The following ADAT2 variants were observed in gnomAD, a reference collection of about 807,000 sequenced individuals.
The protein encoded by ADAT2 is tRNA-specific adenosine-34 deaminase catalytic subunit ADAT2.
ADAT2 carries 26 observed loss-of-function variants against 25.9 expected under a neutral mutation model. The ratio of observed to expected loss-of-function variants is 1.00; its 90% CI spans 0.74 to 1.39. ADAT2 has a LOEUF of 1.39. ADAT2 is among the 40% of genes most tolerant of loss of function. The pLI is 0.00. For synonymous variants in ADAT2, 76 were observed against 86.8 expected, an observed-to-expected ratio of 0.88 and a Z score of 0.69; for missense variants, 220 against 244.8, an observed-to-expected ratio of 0.90 and a Z score of 0.68.
In ADAT2 at chr6:143,425,192, A is replaced by C. The variant is rs1322981544; in HGVS notation, c.*3271T>G. The C allele has an allele frequency of 6.6e-6, 1 of 152,158 alleles. No homozygotes were observed. The highest frequency in any genetic ancestry group is 1.5e-5 in the Non-Finnish European group (1 of 68,042). 9.4% of individuals were successfully genotyped at this position (152,158 alleles called of 1,614,324 possible). A position where few individuals can be genotyped will look rare whatever the true frequency, so the allele number is the denominator to read the frequency against. On this transcript the variant is annotated 3_prime_UTR_variant, in exon 6 of 6. Transcript: ENST00000237283. The stretch of plus-strand genomic sequence containing the variant: ...AATGTCAATGTCATAAAAGACAAAG[A>C]AAGCCAGTGAAAATGTTCTAGACTA...
Position 143,432,455 on chromosome 6 carries a change from G to T in ADAT2, c.459+50C>A. 6.6e-7 allele frequency: 1 copy of T among 1,509,616 alleles called. No individual in the cohort carries two copies. The highest frequency in any genetic ancestry group is 1.1e-5 in the South Asian group (1 of 88,620). The allele number at this position is 1,509,616 out of a possible 1,614,324, so 93.5% of individuals were successfully genotyped here. A position where few individuals can be genotyped will look rare whatever the true frequency, so the allele number is the denominator to read the frequency against. On this transcript the variant is annotated intron_variant, in intron 4 of 5. Transcript: ENST00000237283. This position sits in a 1 kb window ranked among gnomAD's most constrained non-coding sequence, Gnocchi z 4.4. The stretch of plus-strand genomic sequence containing the variant: ...CACTAGTTATTCACAAGCCCATAAA[G>T]AGATGAAAATAATTAGCAAGAAAGA...
rs1779004601 is a variant in ADAT2 at position 143,428,493 on chromosome 6, T to G, written c.546A>C (p.Lys182Asn). The change falls in exon 6 of 6, where the codon AAA becomes AAC. Residue 182 changes from lysine to asparagine, a missense_variant. Lys to Asn is a moderately conservative substitution (Grantham distance 94, BLOSUM62 0). Coordinates refer to ENST00000237283, the MANE Select transcript of ADAT2 (RefSeq NM_182503.3). The surrounding 1 kb of genome is among the most constrained non-coding windows in gnomAD (Gnocchi z 5.0). Reference protein sequence around the residue: ...KQENPNAPKSKVRKKECQKS With the variant: ...KQENPNAPKSNVRKKECQKS ...ATTTCTGACATTCCTTTTTCCGAAC[T>G]TTCGATTTTGGTGCTGTGAAAAGAA... The G allele has an allele frequency of 6.2e-7, 1 of 1,614,096 alleles. No homozygotes were observed. The highest frequency in any genetic ancestry group is 1.3e-5 in the African/African-American group (1 of 75,060).
chr6:143,450,533 C>T, intron 1 of ADAT2, 30 bp downstream of exon 1: 1 of 1,612,110 alleles, frequency 6.2e-7, no homozygotes, highest in Non-Finnish European at 8.5e-7. Flanking sequence ...AAGGTCCCAC[C>T]CCGCAGCATC....
Position 143,424,423 on chromosome 6 carries a change from T to C in ADAT2, c.*4040A>G, listed in dbSNP as rs1778871386. On this transcript the variant is annotated 3_prime_UTR_variant, in exon 6 of 6. Coordinates refer to ENST00000237283, the MANE Select transcript of ADAT2 (RefSeq NM_182503.3). This position sits in a 1 kb window ranked among gnomAD's most constrained non-coding sequence, Gnocchi z 4.8. ...TTTCAAGAGCTTTGGCTTTTGCTAT[T>C]TTTACTGACATTTTGAAAGTAGCAG... The C allele has an allele frequency of 6.6e-6, 1 of 152,250 alleles. No homozygotes were observed. Among genetic ancestry groups the C allele is most frequent in the Non-Finnish European group, 1.5e-5 (1 of 68,050 alleles). The allele number at this position is 152,250 out of a possible 1,614,324, so 9.4% of individuals were successfully genotyped here.
At position 143,423,559 on chromosome 6, in the gene ADAT2, TAGGTTTTAAAACTATCGC is replaced by T. The variant is rs1166720111; in HGVS notation, c.*4886_*4903del. Reference sequence around the variant, plus strand: ...AAGACTTAATTCAGGACTACAGTGATAGGTTTTAAAACTATCGCAGGTTTTAAAACTATCCCAACAAGA... The same window carrying T: ...AAGACTTAATTCAGGACTACAGTGATAGGTTTTAAAACTATCCCAACAAGA... On this transcript the variant is annotated 3_prime_UTR_variant, in exon 6 of 6. Transcript: ENST00000237283. 14 of 152,350 alleles carry T rather than the reference TAGGTTTTAAAACTATCGC, an allele frequency of 9.2e-5. No homozygotes were observed. Among genetic ancestry groups the T allele is most frequent in the African/African-American group, 3.1e-4 (13 of 41,572 alleles). The allele number at this position is 152,350 out of a possible 1,614,324, so 9.4% of individuals were successfully genotyped here. A position where few individuals can be genotyped will look rare whatever the true frequency, so the allele number is the denominator to read the frequency against.
At position 143,425,733 on chromosome 6, in the gene ADAT2, T is replaced by TGTGTGTGTGTGTG. The variant is rs1778912429; in HGVS notation, c.*2729_*2730insCACACACACACAC. 34 of 136,582 alleles carry TGTGTGTGTGTGTG rather than the reference T, an allele frequency of 2.5e-4. No individual in the cohort carries two copies. Among genetic ancestry groups the TGTGTGTGTGTGTG allele is most frequent in the Admixed American group, 5.2e-4 (7 of 13,572 alleles). 8.5% of individuals were successfully genotyped at this position (136,582 alleles called of 1,614,324 possible). A position where few individuals can be genotyped will look rare whatever the true frequency, so the allele number is the denominator to read the frequency against. ...GGTAAAGGGCCATGGTGTGTTGTGT[T>TGTGTGTGTGTGTG]TGTGTGTGTGTGTGTGTGTGTGTGT... On this transcript the variant is annotated 3_prime_UTR_variant, in exon 6 of 6. Transcript: ENST00000237283.
rs993797367 is a variant in ADAT2 at position 143,437,692 on chromosome 6, A to T, written c.201+898T>A. On this transcript the variant is annotated intron_variant, in intron 2 of 5. Transcript: ENST00000237283. The surrounding 1 kb of genome is among the most constrained non-coding windows in gnomAD (Gnocchi z 4.1). ...TTTTACATGTGTTTTGCTAAATATC[A>T]GTTTTCTTTTCAATAGATGTGATTG... 2.6e-5 allele frequency among the ~76,000 whole-genome samples: 4 copies of T among 152,180 alleles called. No homozygotes were observed. Among genetic ancestry groups the T allele is most frequent in the African/African-American group, 9.7e-5 (4 of 41,436 alleles).
rs1410740706 is a variant in ADAT2, at chr6:143,432,117, A to C, written c.459+388T>G. Among the ~76,000 whole-genome samples the C allele has an allele frequency of 6.6e-6, 1 of 152,230 alleles. No individual in the cohort carries two copies. Among genetic ancestry groups the C allele is most frequent in the Non-Finnish European group, 1.5e-5 (1 of 68,036 alleles). On this transcript the variant is annotated intron_variant, in intron 4 of 5. Coordinates refer to ENST00000237283, the MANE Select transcript of ADAT2 (RefSeq NM_182503.3). This position sits in a 1 kb window ranked among gnomAD's most constrained non-coding sequence, Gnocchi z 4.4. ...CAAAAATATTGTGTGTGCTGTAAAT[A>C]GTCTCTAGCGTCACTGACACAGGCC...
intron 1 of ADAT2, among the ~76,000 whole-genome samples, chr6:143,443,506 G>C (rs1443459303): frequency 6.6e-6 from 1 of 152,088 alleles, no homozygotes; most frequent in African/African-American, 2.4e-5. Context: ...ACTCCAGCCT[G>C]GGTAACACAG....
At chr6:143,448,695 C>T (rs1220501591) in intron 1 of ADAT2, among the ~76,000 whole-genome samples, 2 of 143,780 alleles carry the variant, frequency 1.4e-5, no homozygotes, top group African/African-American at 2.5e-5. Context: ...TGGCTACTCA[C>T]TCGTCACTTC....
chr6:143,435,106 T>C (rs1779229594), intron 2 of ADAT2, among the ~76,000 whole-genome samples: 1 of 145,840 alleles, frequency 6.9e-6, no homozygotes, highest in South Asian at 2.1e-4. Context: ...GAAGGTACTT[T>C]ACAGAAGAGG....
At chr6:143,439,896 T>C (rs751428458) in intron 1 of ADAT2, among the ~76,000 whole-genome samples, 2 of 152,220 alleles carry the variant, frequency 1.3e-5, no homozygotes, top group South Asian at 2.1e-4. Flanking sequence ...CTTCCATGAC[T>C]ACCATCCCAG....
chr6:143,440,476 A>T lies in ADAT2; in HGVS notation c.97-1782T>A, dbSNP rs981582916. On this transcript the variant is annotated intron_variant, in intron 1 of 5. Coordinates refer to ENST00000237283, the MANE Select transcript of ADAT2 (RefSeq NM_182503.3). This position sits in a 1 kb window ranked among gnomAD's most constrained non-coding sequence, Gnocchi z 4.5. ...AAAGGAGACGCCCACAGCAGGAGCA[A>T]ACTGGGCCTCTCTTTTCTCCATCTG... Among the ~76,000 whole-genome samples the T allele has an allele frequency of 6.6e-6, 1 of 152,186 alleles. No homozygotes were observed. Among genetic ancestry groups the T allele is most frequent in the Non-Finnish European group, 1.5e-5 (1 of 68,030 alleles).
chr6:143,447,587 T>G (rs2128744197), intron 1 of ADAT2, among the ~76,000 whole-genome samples: 1 of 152,316 alleles, frequency 6.6e-6, no homozygotes, highest in African/African-American at 2.4e-5. Flanking sequence ...AATTTTTACA[T>G]AATTTGTTAA....
At position 143,442,627 on chromosome 6, in the gene ADAT2, C is replaced by G. The variant is rs1053927832; in HGVS notation, c.97-3933G>C. 2.8e-4 allele frequency among the ~76,000 whole-genome samples: 42 copies of G among 152,246 alleles called. No individual in the cohort carries two copies. The Middle Eastern group carries it at 0.017, about 62-fold the overall frequency. On this transcript the variant is annotated intron_variant, in intron 1 of 5. Transcript: ENST00000237283. The surrounding 1 kb of genome is among the most constrained non-coding windows in gnomAD (Gnocchi z 4.6). ...TGTTACCACTGAAGGACACTAGACACTTGGGTCCTCCCAGTATATTATTAT... is the reference window on the plus strand; with the variant it reads ...TGTTACCACTGAAGGACACTAGACAGTTGGGTCCTCCCAGTATATTATTAT...
rs1001849124 is a variant in ADAT2, at chr6:143,446,544, G to A, written c.96+4019C>T. Among the ~76,000 whole-genome samples the A allele has an allele frequency of 1.7e-4, 26 of 152,070 alleles. No individual in the cohort carries two copies. The highest frequency in any genetic ancestry group is 6.3e-4 in the African/African-American group (26 of 41,406). ...TCAAACTATTACAAAATTGGGGAAA[G>A]TATATGCCTCGGCAATTCACAGAAG... On this transcript the variant is annotated intron_variant, in intron 1 of 5. Transcript: ENST00000237283. This position sits in a 1 kb window ranked among gnomAD's most constrained non-coding sequence, Gnocchi z 5.0.
chr6:143,428,634 G>A lies in ADAT2; in HGVS notation c.510C>T (p.Phe170=). 3.1e-6 allele frequency: 5 copies of A among 1,614,064 alleles called. No homozygotes were observed. The South Asian group carries it at 5.5e-5, about 18-fold the overall frequency. ...AEEAVEMLKT[F]YKQENPNAPK... is the part of the protein sequence containing the mutation. ...GACCATTTGGATTTTCTTGTTTGTA[G>A]AAGGTCTTTAACATTTCCACTGCTT... The change falls in exon 5 of 6, where the codon TTC becomes TTT. Residue 170 remains phenylalanine, a synonymous_variant. Transcript: ENST00000237283. The surrounding 1 kb of genome is among the most constrained non-coding windows in gnomAD (Gnocchi z 5.0).
At chr6:143,443,557 A>G (rs1410631885) in intron 1 of ADAT2, among the ~76,000 whole-genome samples, 1 of 152,160 alleles carries the variant, frequency 6.6e-6, no homozygotes, top group Admixed American at 6.5e-5. Context: ...TAGGCTGAGC[A>G]CAGTGGCCCA....
In ADAT2 at chr6:143,427,096, A is replaced by ACACACACACAC. The variant is rs1778954292; in HGVS notation, c.*1366_*1367insGTGTGTGTGTG. 1 of 140,176 alleles carries ACACACACACAC rather than the reference A, an allele frequency of 7.1e-6. No homozygotes were observed. The highest frequency in any genetic ancestry group is 2.7e-5 in the African/African-American group (1 of 37,708). The allele number at this position is 140,176 out of a possible 1,614,324, so 8.7% of individuals were successfully genotyped here. On this transcript the variant is annotated 3_prime_UTR_variant, in exon 6 of 6. Coordinates refer to ENST00000237283, the MANE Select transcript of ADAT2 (RefSeq NM_182503.3). Reference sequence around the variant, plus strand: ...CCATAAAACTTTTCAAATGCAGTTAAACACACACACACACACACACACACA... The same window carrying ACACACACACAC: ...CCATAAAACTTTTCAAATGCAGTTAACACACACACACACACACACACACACACACACACACA...
Sources: gnomAD v4.1 joint callset for allele counts (sites outside exome capture counted in the v4.1 genomes callset) on GRCh38, gnomAD v4.1.1 for gene constraint, Gnocchi (gnomAD v3.1) non-coding constraint, MANE v1.5 for transcripts, NCBI Gene and HGNC (gene_info 2026-07-23, HGNC 2026-07-21) for gene names.